The following TMTC4 variants were observed in gnomAD, a reference collection of about 807,000 sequenced individuals.
The protein encoded by TMTC4 is protein O-mannosyl-transferase TMTC4.
Under a neutral mutation model 86.0 loss-of-function variants are expected in TMTC4, and 65 were observed. The ratio of observed to expected loss-of-function variants is 0.76; its 90% confidence interval spans 0.62 to 0.93. The LOEUF is 0.93. Among genes scored for constraint, TMTC4 ranks in the 40% least tolerant of loss-of-function variants. TMTC4 has a pLI of 0.00. For missense variants in TMTC4, 866 were observed against 948.1 expected, an observed-to-expected ratio of 0.91 and a Z score of 1.14; for synonymous variants, 379 against 382.5, an observed-to-expected ratio of 0.99 and a Z score of 0.11.
At chr13:100,660,722 T>C (rs1006922715) in intron 5 of TMTC4, among the ~76,000 whole-genome samples, 1 of 151,836 alleles carries the variant, frequency 6.6e-6, no homozygotes, top group Non-Finnish European at 1.5e-5. Flanking sequence ...GGCATGGTCT[T>C]GGTTCACTGC....
In TMTC4 at chr13:100,619,030, C is replaced by T. The variant is rs987754213; in HGVS notation, c.1837-4600G>A. ...TACACCTCCCAGATGGGGCGGCCGG[C>T]CGGGCAGAGGGGCTCCTCACTTCCC... On this transcript the variant is annotated intron_variant, in intron 15 of 18. Coordinates refer to ENST00000342624, the MANE Select transcript of TMTC4 (RefSeq NM_032813.5). Among the ~76,000 whole-genome samples, 8 of 152,318 alleles carry T rather than the reference C, an allele frequency of 5.3e-5. 1 individual carries two copies. Among genetic ancestry groups the T allele is most frequent in the African/African-American group, 1.9e-4 (8 of 41,576 alleles).
chr13:100,610,466 AG>A (rs763892189), intron 17 of TMTC4, among the ~76,000 whole-genome samples: 5 of 152,234 alleles, frequency 3.3e-5, no homozygotes, highest in Non-Finnish European at 5.9e-5. Flanking sequence ...GCCATGGCTC[AG>A]GAAGTCACAT....
At position 100,645,485 on chromosome 13, in the gene TMTC4, G is replaced by A. The variant is rs574457946; in HGVS notation, c.641-3174C>T. Among the ~76,000 whole-genome samples the A allele has an allele frequency of 6.6e-5, 10 of 152,210 alleles. No individual in the cohort carries two copies. In the South Asian group the frequency reaches 2.1e-3, roughly 32 times the overall value. The stretch of plus-strand genomic sequence containing the variant: ...TGTATGCACACCTGACTGCCCCTGT[G>A]AGCAGGTGAGCCCTCTGTGAGCAGG... On this transcript the variant is annotated intron_variant, in intron 6 of 18. Coordinates refer to ENST00000342624, the MANE Select transcript of TMTC4 (RefSeq NM_032813.5).
intron 17 of TMTC4, among the ~76,000 whole-genome samples, chr13:100,607,255 G>A (rs775343885): frequency 9.9e-5 from 15 of 152,220 alleles, no homozygotes; most frequent in Non-Finnish European, 2.2e-4. Context: ...GGTGGCTCAT[G>A]CCTGTAATCC....
chr13:100,612,625 ACTT>A (rs1444847563), intron 16 of TMTC4, 115 bp from the exon 17 acceptor site: 2 of 691,584 alleles, frequency 2.9e-6, no homozygotes, highest in Non-Finnish European at 4.9e-6. Context: ...TGAATAAACT[ACTT>A]AAGAAAATCT....
intron 6 of TMTC4, 40 bp downstream of exon 6, chr13:100,656,341 G>A (rs1885102303): frequency 6.4e-7 from 1 of 1,567,908 alleles, no homozygotes; most frequent in African/African-American, 1.4e-5. Flanking sequence ...ACAAAAACAT[G>A]AAGAAGGTGG....
At chr13:100,641,725 G>A (rs1265248330) in intron 7 of TMTC4, among the ~76,000 whole-genome samples, 1 of 152,196 alleles carries the variant, frequency 6.6e-6, no homozygotes, top group Non-Finnish European at 1.5e-5. Context: ...GACCTCAGGT[G>A]ATCTGCCCGC....
At chr13:100,632,053 A>ACACACTCTCTCTCT (rs1296569630) in intron 12 of TMTC4, among the ~76,000 whole-genome samples, 111 of 43,096 alleles carry the variant, frequency 2.6e-3, no homozygotes, top group East Asian at 4.8e-3. Flanking sequence ...ACACACACAC[A>ACACACTCTCTCTCT]CTCTCTCTCT....
intron 12 of TMTC4, among the ~76,000 whole-genome samples, chr13:100,634,548 A>G (rs1203501105): frequency 6.6e-6 from 1 of 152,158 alleles, no homozygotes; most frequent in Non-Finnish European, 1.5e-5. Flanking sequence ...CTGGAAGATG[A>G]TTAAGACCTC....
At chr13:100,617,635 A>G (rs1396581955) in intron 15 of TMTC4, among the ~76,000 whole-genome samples, 1 of 152,224 alleles carries the variant, frequency 6.6e-6, no homozygotes, top group Admixed American at 6.5e-5. Context: ...TTTGAAGACC[A>G]CATGGCTGTA....
chr13:100,642,329 T>A lies in TMTC4; in HGVS notation c.641-18A>T. 6.2e-7 allele frequency: 1 copy of A among 1,613,986 alleles called. No homozygotes were observed. Among genetic ancestry groups the A allele is most frequent in the Non-Finnish European group, 8.5e-7 (1 of 1,179,900 alleles). On this transcript the variant is annotated intron_variant, in intron 6 of 18. Coordinates refer to ENST00000342624, the MANE Select transcript of TMTC4 (RefSeq NM_032813.5). ...CTTGTTACCTGCCAATTAAGAGAAA[T>A]GATCAGTGCAAAAGTCATGGAATGC...
At chr13:100,641,462 G>A (rs960748164) in intron 7 of TMTC4, among the ~76,000 whole-genome samples, 1 of 151,818 alleles carries the variant, frequency 6.6e-6, no homozygotes, top group African/African-American at 2.4e-5. Flanking sequence ...CAGAACTCCT[G>A]TTCCTTCATC....
upstream of TMTC4, chr13:100,674,856 C>G: frequency 1.0e-6 from 1 of 958,600 alleles, no homozygotes; most frequent in Non-Finnish European, 1.2e-6. Flanking sequence ...GCGCACCCGA[C>G]CCCCCCCGCG....
Position 100,604,037 on chromosome 13 carries a change from CAAAT to C in TMTC4, c.*953_*956del, listed in dbSNP as rs1340812754. 1 of 152,554 alleles carries C rather than the reference CAAAT, an allele frequency of 6.6e-6. No individual in the cohort carries two copies. Among genetic ancestry groups the C allele is most frequent in the Non-Finnish European group, 1.5e-5 (1 of 68,014 alleles). The allele number at this position is 152,554 out of a possible 1,614,324, so 9.5% of individuals were successfully genotyped here. On this transcript the variant is annotated 3_prime_UTR_variant, in exon 19 of 19. Transcript: ENST00000342624. ...GAACAAAACAAAACATTGTTTGGAT[CAAAT>C]AAAAAACAGCAGGAACAACTCAATT...
Position 100,670,506 on chromosome 13 carries a change from G to T in TMTC4, c.-144C>A. 1 of 685,990 alleles carries T rather than the reference G, an allele frequency of 1.5e-6. No homozygotes were observed. The highest frequency in any genetic ancestry group is 2.3e-6 in the Non-Finnish European group (1 of 434,784). 42.5% of individuals were successfully genotyped at this position (685,990 alleles called of 1,614,324 possible). A position where few individuals can be genotyped will look rare whatever the true frequency, so the allele number is the denominator to read the frequency against. ...GGCATGCTCTCAGCAAGTGCTGGGG[G>T]AATACTGCAGCTACTTTTCTTTTCC... On this transcript the variant is annotated 5_prime_UTR_variant, in exon 2 of 19. Coordinates refer to ENST00000342624, the MANE Select transcript of TMTC4 (RefSeq NM_032813.5).
intron 3 of TMTC4, chr13:100,665,922 AG>A: frequency 2.3e-6 from 1 of 432,016 alleles, no homozygotes; most frequent in South Asian, 1.6e-5. Context: ...AGGTCATGTG[AG>A]GCACCTGCTC....
rs931659437 is a variant in TMTC4, at chr13:100,638,172, T to C, written c.742-150A>G. 13 of 572,514 alleles carry C rather than the reference T, an allele frequency of 2.3e-5. No individual in the cohort carries two copies. The African/African-American group carries it at 2.4e-4, about 11-fold the overall frequency. The allele number at this position is 572,514 out of a possible 1,614,324, so 35.5% of individuals were successfully genotyped here. On this transcript the variant is annotated intron_variant, in intron 7 of 18. Transcript: ENST00000342624. ...CTCTGCAGCTCTTTAAAAAAACACA[T>C]AACAGCCGTACGTTTCTATGAAATT...
chr13:100,614,511 AAG>A, intron 15 of TMTC4, 81 bp from the exon 16 acceptor site: 6 of 1,093,668 alleles, frequency 5.5e-6, no homozygotes, highest in Admixed American at 2.5e-5. Context: ...AAAAAAAAAA[AAG>A]AAAGAAAAAG....
At chr13:100,610,951 G>A (rs935582715) in intron 17 of TMTC4, among the ~76,000 whole-genome samples, 1 of 152,044 alleles carries the variant, frequency 6.6e-6, no homozygotes, top group Admixed American at 6.5e-5. Flanking sequence ...CTAAAACTAA[G>A]CCCTCTTCAA....
Sources: allele counts gnomAD v4.1 joint callset (sites outside exome capture counted in the v4.1 genomes callset), GRCh38; gene constraint gnomAD v4.1.1; transcripts MANE v1.5; gene names NCBI Gene and HGNC (gene_info 2026-07-23, HGNC 2026-07-21).